NUS1: variants seen among roughly 807,000 people sequenced by gnomAD.
NUS1 encodes the protein dehydrodolichyl diphosphate synthase complex subunit NUS1.
For synonymous variants in NUS1, 135 were observed against 155.2 expected, an observed-to-expected ratio of 0.87 and a Z score of 0.97; for missense variants, 292 against 382.9, an observed-to-expected ratio of 0.76 and a Z score of 1.98.
chr6:117,709,287 CTT>C lies in NUS1; in HGVS notation c.*2274_*2275del, dbSNP rs372929763. 1.6e-3 allele frequency: 246 copies of C among 149,504 alleles called. 4 individuals carry two copies. In the East Asian group the frequency reaches 0.021, roughly 13 times the overall value. 9.3% of individuals were successfully genotyped at this position (149,504 alleles called of 1,614,324 possible). A position where few individuals can be genotyped will look rare whatever the true frequency, so the allele number is the denominator to read the frequency against. ...CTTTATTTGTATTGGAAAATACTGT[CTT>C]TAAATTGTTTCTTGTTGACACTCCC... On this transcript the variant is annotated 3_prime_UTR_variant, in exon 5 of 5. Coordinates refer to ENST00000368494, the MANE Select transcript of NUS1 (RefSeq NM_138459.5).
At chr6:117,705,439 A>C (rs1370722873) in intron 4 of NUS1, among the ~76,000 whole-genome samples, 1 of 152,228 alleles carries the variant, frequency 6.6e-6, no homozygotes, top group Non-Finnish European at 1.5e-5. Flanking sequence ...GGGCATGTTA[A>C]TGTGGAGTTG....
intron 1 of NUS1, among the ~76,000 whole-genome samples, chr6:117,691,094 T>C (rs1208810057): frequency 6.6e-6 from 1 of 152,090 alleles, no homozygotes; most frequent in Non-Finnish European, 1.5e-5. Flanking sequence ...CAATTCTTCC[T>C]TTGTGGTAAA....
Position 117,706,974 on chromosome 6 carries a change from C to G in NUS1, c.841C>G (p.Leu281Val), listed in dbSNP as rs1773509779. ...CAGTTATGAGGACTTTTTCTCTGCC[C>G]TTCGTCAATATGCAGCCTGTGAACA... ...NISYEDFFSA[L>V]RQYAACEQRL... is the part of the protein sequence containing the mutation. The change falls in exon 5 of 5, where the codon CTT (leucine) becomes GTT (valine). Residue 281 changes from leucine (L) to valine (V), a missense_variant. Coordinates refer to ENST00000368494, the MANE Select transcript of NUS1 (RefSeq NM_138459.5). 1.2e-6 allele frequency: 2 copies of G among 1,612,858 alleles called. No homozygotes were observed. The highest frequency in any genetic ancestry group is 8.5e-7 in the Non-Finnish European group (1 of 1,179,096).
intron 1 of NUS1, among the ~76,000 whole-genome samples, chr6:117,676,344 C>T (rs371601550): frequency 6.6e-6 from 1 of 152,158 alleles, no homozygotes; most frequent in Non-Finnish European, 1.5e-5. Context: ...TTTGGGAGGC[C>T]GAGGCGGACG....
At position 117,695,210 on chromosome 6, in the gene NUS1, A is replaced by G. The variant is rs921083728; in HGVS notation, c.691+1030A>G. On this transcript the variant is annotated intron_variant, in intron 3 of 4. Coordinates refer to ENST00000368494, the MANE Select transcript of NUS1 (RefSeq NM_138459.5). ...CCCTGTCTCAAAAAAAAAAAAAAAA[A>G]AAAAAAAAAAAGAAAAAGAAATGCA... 6.3e-3 allele frequency among the ~76,000 whole-genome samples: 945 copies of G among 151,054 alleles called. 14 individuals carry two copies. Among genetic ancestry groups the G allele is most frequent in the African/African-American group, 0.022 (891 of 41,024 alleles).
chr6:117,706,188 T>C (rs1773498179), intron 4 of NUS1, among the ~76,000 whole-genome samples: 2 of 152,334 alleles, frequency 1.3e-5, no homozygotes, highest in African/African-American at 4.8e-5. Context: ...CCTCTGATTG[T>C]GTATTCAGTC....
At chr6:117,703,830 C>T in intron 4 of NUS1, 126 bp downstream of exon 4, 1 of 706,700 alleles carries the variant, frequency 1.4e-6, no homozygotes, top group Non-Finnish European at 2.5e-6. Context: ...TCAGTTATTT[C>T]ACAGTACCAC....
intron 4 of NUS1, 91 bp downstream of exon 4, chr6:117,703,795 G>C (rs1172051103): frequency 2.3e-6 from 2 of 873,724 alleles, no homozygotes; most frequent in African/African-American, 3.3e-5. Context: ...GATTTCCAAA[G>C]AATTATAATA....
intron 1 of NUS1, among the ~76,000 whole-genome samples, chr6:117,684,048 C>G (rs1448157061): frequency 1.3e-5 from 2 of 152,218 alleles, no homozygotes; most frequent in Non-Finnish European, 2.9e-5. Flanking sequence ...GGCTTCTCCT[C>G]TGTTGTACTT....
intron 1 of NUS1, among the ~76,000 whole-genome samples, chr6:117,690,787 C>A (rs1285918613): frequency 6.6e-6 from 1 of 151,872 alleles, no homozygotes. Flanking sequence ...GTCCGGAGGT[C>A]AAGACCATCC....
At position 117,704,468 on chromosome 6, in the gene NUS1, A is replaced by G. The variant is rs189756086; in HGVS notation, c.791+764A>G. On this transcript the variant is annotated intron_variant, in intron 4 of 4. Transcript: ENST00000368494. ...GCAACTGCTCCTCTCTATTGCATCT[A>G]TGCAACTCTGCTGCTATAGCTAAAC... Among the ~76,000 whole-genome samples, 12 of 152,306 alleles carry G rather than the reference A, an allele frequency of 7.9e-5. No individual in the cohort carries two copies. In the East Asian group the frequency reaches 1.2e-3, roughly 15 times the overall value.
At chr6:117,701,759 A>G (rs936407771) in intron 3 of NUS1, among the ~76,000 whole-genome samples, 1 of 152,130 alleles carries the variant, frequency 6.6e-6, no homozygotes, top group African/African-American at 2.4e-5. Context: ...CACCTAATCT[A>G]GTAGCTCTTT....
chr6:117,696,256 C>T (rs1773318998), intron 3 of NUS1, among the ~76,000 whole-genome samples: 1 of 151,938 alleles, frequency 6.6e-6, no homozygotes, highest in South Asian at 2.1e-4. Context: ...GAATGAAACA[C>T]ACCTACAAAA....
At chr6:117,702,324 C>T (rs1200468576) in intron 3 of NUS1, among the ~76,000 whole-genome samples, 1 of 152,182 alleles carries the variant, frequency 6.6e-6, no homozygotes, top group African/African-American at 2.4e-5. Context: ...TATCTTTTGG[C>T]AGCAAGTAGC....
At chr6:117,701,242 T>A (rs1416890120) in intron 3 of NUS1, among the ~76,000 whole-genome samples, 1 of 137,408 alleles carries the variant, frequency 7.3e-6, no homozygotes, top group East Asian at 2.3e-4. Flanking sequence ...GGGTTCTAAT[T>A]TTCTTTTTTT....
rs1773558762 is a variant in NUS1 at position 117,710,390 on chromosome 6, C to T, written c.*3375C>T. The stretch of plus-strand genomic sequence containing the variant: ...AAACAAGATTAATGTGAGCAGTTCT[C>T]CAAGATCCTAACTGGTGGGACATAA... On this transcript the variant is annotated 3_prime_UTR_variant, in exon 5 of 5. Transcript: ENST00000368494. The T allele has an allele frequency of 6.6e-6, 1 of 151,940 alleles. No homozygotes were observed. The highest frequency in any genetic ancestry group is 2.4e-5 in the African/African-American group (1 of 41,390). 9.4% of individuals were successfully genotyped at this position (151,940 alleles called of 1,614,324 possible).
At position 117,675,909 on chromosome 6, in the gene NUS1, C is replaced by T. The variant is rs1352239484; in HGVS notation, c.239C>T (p.Ala80Val). Residue 80 changes from alanine to valine, a missense_variant, in exon 1 of 5, where the codon GCC becomes GTC. Physicochemically the swap from Ala to Val is moderately conservative, Grantham distance 64. Coordinates refer to ENST00000368494, the MANE Select transcript of NUS1 (RefSeq NM_138459.5). ...CCGCGCGGGGGGTCGTGCCTGGCAG[C>T]CGCACACCACCGGATGCGCTGGCGC... ...RHPRGGSCLAAAHHRMRWRAD... is the reference protein window; with the variant it reads ...RHPRGGSCLAVAHHRMRWRAD... 3.2e-6 allele frequency: 5 copies of T among 1,541,012 alleles called. No individual in the cohort carries two copies. The highest frequency in any genetic ancestry group is 2.6e-6 in the Non-Finnish European group (3 of 1,142,088).
chr6:117,706,829 T>C, intron 4 of NUS1, 96 bp from the exon 5 acceptor site: 1 of 930,190 alleles, frequency 1.1e-6, no homozygotes, highest in Non-Finnish European at 1.8e-6. Context: ...TTTGGTGTAT[T>C]CTATTCTTAA....
chr6:117,695,995 ATGAC>A (rs1773314121), intron 3 of NUS1, among the ~76,000 whole-genome samples: 1 of 152,094 alleles, frequency 6.6e-6, no homozygotes, highest in Non-Finnish European at 1.5e-5. Context: ...ATAATGCTGT[ATGAC>A]TGTTTGTGTA....
Sources: gnomAD v4.1 joint callset for allele counts (sites outside exome capture counted in the v4.1 genomes callset) on GRCh38, gnomAD v4.1.1 for gene constraint, MANE v1.5 for transcripts, NCBI Gene and HGNC (gene_info 2026-07-23, HGNC 2026-07-21) for gene names.